LSAMP: variants seen among roughly 807,000 people sequenced by gnomAD.
LSAMP encodes the protein limbic system associated membrane protein, also known as limbic system-associated membrane protein.
A neutral mutation model predicts 38.6 loss-of-function variants in LSAMP; 7 were observed. The ratio of observed to expected loss-of-function variants is 0.18; its 90% CI spans 0.10 to 0.34. The LOEUF (loss-of-function observed/expected upper bound fraction) is 0.34. Ranked by LOEUF, LSAMP falls within the 10% of genes least tolerant of loss-of-function variation. The pLI is 1.00. For synonymous variants in LSAMP, 154 were observed against 166.8 expected, an observed-to-expected ratio of 0.92 and a Z score of 0.59; for missense variants, 313 against 420.0, an observed-to-expected ratio of 0.75 and a Z score of 2.23.
intron 1 of LSAMP, among the ~76,000 whole-genome samples, chr3:116,236,912 TTCC>T (rs2046471821): frequency 6.6e-6 from 1 of 151,666 alleles, no homozygotes; most frequent in East Asian, 1.9e-4. Flanking sequence ...TATAAGGTCA[TTCC>T]CTACTCCAAA....
chr3:115,883,947 C>T (rs1936386921), intron 3 of LSAMP, among the ~76,000 whole-genome samples: 1 of 151,996 alleles, frequency 6.6e-6, no homozygotes, highest in Admixed American at 6.6e-5. Flanking sequence ...CAACTAATTT[C>T]TTAAATCTTG....
At chr3:116,311,714 C>CT (rs1333271050) in intron 1 of LSAMP, among the ~76,000 whole-genome samples, 1 of 152,058 alleles carries the variant, frequency 6.6e-6, no homozygotes, top group African/African-American at 2.4e-5. Context: ...TTGTACATAA[C>CT]TTAAGGGTTT....
At chr3:115,824,023 A>G (rs1301854465) in intron 6 of LSAMP, among the ~76,000 whole-genome samples, 1 of 152,206 alleles carries the variant, frequency 6.6e-6, no homozygotes, top group Non-Finnish European at 1.5e-5. Flanking sequence ...ACATAAAGAG[A>G]ATGCTTTCTT....
intron 1 of LSAMP, among the ~76,000 whole-genome samples, chr3:116,223,180 A>G (rs10511355): frequency 0.82 from 124,259 of 152,086 alleles, 51,289 homozygotes; most frequent in East Asian, 0.92. Flanking sequence ...AAGAGGTTGA[A>G]ACTAAAGAAT....
chr3:116,156,432 C>A (rs1432893710), intron 1 of LSAMP, among the ~76,000 whole-genome samples: 1 of 152,044 alleles, frequency 6.6e-6, no homozygotes, highest in East Asian at 1.9e-4. Flanking sequence ...ATTAACAAAA[C>A]ACATATTTGG....
At chr3:116,162,476 T>A (rs548220339) in intron 1 of LSAMP, among the ~76,000 whole-genome samples, 9 of 152,276 alleles carry the variant, frequency 5.9e-5, no homozygotes, top group African/African-American at 2.2e-4. Context: ...AAGACTCACT[T>A]TGTTATCAGA....
chr3:116,143,496 T>G (rs1031189962), intron 1 of LSAMP, among the ~76,000 whole-genome samples: 1 of 151,944 alleles, frequency 6.6e-6, no homozygotes, highest in African/African-American at 2.4e-5. Context: ...AGGGTAGATG[T>G]TTGAGGGGAT....
intron 1 of LSAMP, among the ~76,000 whole-genome samples, chr3:116,209,484 G>T (rs2046122937): frequency 6.6e-6 from 1 of 152,116 alleles, no homozygotes; most frequent in African/African-American, 2.4e-5. Flanking sequence ...TTGTTCCTAT[G>T]CATATAGTTT....
rs1172407226 is a variant in LSAMP at position 115,804,342 on chromosome 3, TCC to T, written c.*5973_*5974del. The T allele has an allele frequency of 6.6e-6, 1 of 152,212 alleles. No homozygotes were observed. Among genetic ancestry groups the T allele is most frequent in the Non-Finnish European group, 1.5e-5 (1 of 68,028 alleles). 9.4% of individuals were successfully genotyped at this position (152,212 alleles called of 1,614,324 possible). On this transcript the variant is annotated 3_prime_UTR_variant, in exon 7 of 7. Transcript: ENST00000490035. Reference sequence around the variant, plus strand: ...AGAGATTTTAGAGACGTCAGCCGAATCCCTCACTTTCAGGATGAGAAAACCAA... The same window carrying T: ...AGAGATTTTAGAGACGTCAGCCGAATCTCACTTTCAGGATGAGAAAACCAA...
In LSAMP at chr3:115,984,532, G is replaced by C. The variant is rs866591058; in HGVS notation, c.514+34983C>G. Among the ~76,000 whole-genome samples, 33 of 152,234 alleles carry C rather than the reference G, an allele frequency of 2.2e-4. No homozygotes were observed. The Middle Eastern group carries it at 0.01, about 47-fold the overall frequency. ...GTGAGAATAAAAAGAAGGAATGAAT[G>C]ATCCTTGTCAATTCACTTATCTAAT... On this transcript the variant is annotated intron_variant, in intron 3 of 6. Coordinates refer to ENST00000490035, the MANE Select transcript of LSAMP (RefSeq NM_002338.5).
At chr3:115,932,428 C>A (rs1224284139) in intron 3 of LSAMP, among the ~76,000 whole-genome samples, 1 of 152,094 alleles carries the variant, frequency 6.6e-6, no homozygotes, top group Non-Finnish European at 1.5e-5. Context: ...AAAACGTTTT[C>A]TGGTGAGAAA....
intron 1 of LSAMP, among the ~76,000 whole-genome samples, chr3:116,419,232 A>G (rs1473321450): frequency 7.9e-5 from 12 of 152,190 alleles, no homozygotes; most frequent in Admixed American, 6.5e-4. Context: ...CCCCTACCAT[A>G]TCACTACACA....
At chr3:116,347,538 T>C (rs973017742) in intron 1 of LSAMP, among the ~76,000 whole-genome samples, 10 of 152,184 alleles carry the variant, frequency 6.6e-5, no homozygotes, top group African/African-American at 2.4e-4. Context: ...GTTCAGTCAC[T>C]GTCTCTCTCT....
At chr3:115,944,066 C>G (rs1330629482) in intron 3 of LSAMP, among the ~76,000 whole-genome samples, 1 of 152,166 alleles carries the variant, frequency 6.6e-6, no homozygotes, top group East Asian at 1.9e-4. Flanking sequence ...AGTTTTCCCA[C>G]AGTACTTAAT....
intron 1 of LSAMP, among the ~76,000 whole-genome samples, chr3:116,248,983 TA>T (rs1426800666): frequency 2.6e-5 from 4 of 151,778 alleles, no homozygotes; most frequent in Non-Finnish European, 5.9e-5. Flanking sequence ...CTGTCTCTAC[TA>T]AAAAATACAA....
chr3:116,432,136 C>T (rs1269954846), intron 1 of LSAMP, among the ~76,000 whole-genome samples: 2 of 151,690 alleles, frequency 1.3e-5, no homozygotes, highest in Admixed American at 6.6e-5. Context: ...TCTTATATAT[C>T]GTATCTGTTT....
chr3:116,219,142 C>A (rs2046253789), intron 1 of LSAMP, among the ~76,000 whole-genome samples: 1 of 152,166 alleles, frequency 6.6e-6, no homozygotes, highest in Non-Finnish European at 1.5e-5. Flanking sequence ...CTAGCAACAA[C>A]CACCCTTTGA....
At chr3:116,133,654 T>C (rs932271575) in intron 1 of LSAMP, among the ~76,000 whole-genome samples, 3 of 152,180 alleles carry the variant, frequency 2.0e-5, no homozygotes, top group Admixed American at 2.0e-4. Flanking sequence ...TACGTAATTA[T>C]TTCAACATCT....
chr3:116,421,016 A>G (rs527642832), intron 1 of LSAMP, among the ~76,000 whole-genome samples: 1 of 152,224 alleles, frequency 6.6e-6, no homozygotes, highest in Middle Eastern at 3.2e-3. Flanking sequence ...GCCTCATAGC[A>G]TACATAGAAA....
Sources: allele counts gnomAD v4.1 joint callset (sites outside exome capture counted in the v4.1 genomes callset), GRCh38; gene constraint gnomAD v4.1.1; transcripts MANE v1.5; gene names NCBI Gene and HGNC (gene_info 2026-07-23, HGNC 2026-07-21).